DENND2B: variants seen among roughly 807,000 people sequenced by gnomAD.
The protein encoded by DENND2B is DENN domain-containing protein 2B.
A neutral mutation model predicts 116.0 loss-of-function variants in DENND2B; 32 were observed. The ratio of observed to expected loss-of-function variants is 0.28; its 90% CI spans 0.21 to 0.37. DENND2B has a LOEUF of 0.37. DENND2B is among the 10% of genes least tolerant of loss of function. DENND2B has a pLI of 1.00. For synonymous variants in DENND2B, 588 were observed against 583.9 expected, an observed-to-expected ratio of 1.01 and a Z score of -0.10; for missense variants, 1,276 against 1,477.7, an observed-to-expected ratio of 0.86 and a Z score of 2.24.
intron 2 of DENND2B, among the ~76,000 whole-genome samples, chr11:8,870,200 G>T (rs1288168974): frequency 2.6e-5 from 4 of 152,164 alleles, no homozygotes; most frequent in Non-Finnish European, 5.9e-5. Flanking sequence ...CTCACTTAAT[G>T]AAGAAGTTAT....
chr11:8,856,669 G>C (rs563118595), intron 3 of DENND2B, among the ~76,000 whole-genome samples: 2 of 152,076 alleles, frequency 1.3e-5, no homozygotes, highest in African/African-American at 4.8e-5. Context: ...CTGATGGAAA[G>C]GCAGGCCCAG....
intron 1 of DENND2B, among the ~76,000 whole-genome samples, chr11:8,796,722 T>G (rs2059845303): frequency 6.6e-6 from 1 of 152,156 alleles, no homozygotes; most frequent in Non-Finnish European, 1.5e-5. Flanking sequence ...ATTACTTACT[T>G]TTTCCAAAAG....
chr11:8,757,246 C>A, intron 1 of DENND2B: 1 of 362,866 alleles, frequency 2.8e-6, no homozygotes. Context: ...CCATGATTGC[C>A]CTGTCTGGCA....
chr11:8,833,122 T>A (rs766969640), intron 4 of DENND2B, among the ~76,000 whole-genome samples: 2 of 152,246 alleles, frequency 1.3e-5, no homozygotes, highest in Non-Finnish European at 2.9e-5. Context: ...GGTGAGCAGA[T>A]GGGCTCTAAT....
intron 4 of DENND2B, among the ~76,000 whole-genome samples, chr11:8,818,985 T>G (rs758217720): frequency 6.6e-6 from 1 of 152,340 alleles, no homozygotes; most frequent in East Asian, 1.9e-4. Context: ...TATTACTTAA[T>G]GTATAGAAGA....
chr11:8,708,162 G>A lies in DENND2B; in HGVS notation c.2353-308C>T. 1.1e-5 allele frequency: 14 copies of A among 1,308,584 alleles called. No homozygotes were observed. In the South Asian group the frequency reaches 1.5e-4, roughly 14 times the overall value. 81.1% of individuals were successfully genotyped at this position (1,308,584 alleles called of 1,614,324 possible). A position where few individuals can be genotyped will look rare whatever the true frequency, so the allele number is the denominator to read the frequency against. ...TGGCAAAGGGCAAAGCAGTTTGGCA[G>A]AGGCTACAGGGTGTCTGTGGATTCA... is the stretch of plus-strand genomic sequence containing the variant. On this transcript the variant is annotated intron_variant, in intron 11 of 19. Coordinates refer to ENST00000313726, the MANE Select transcript of DENND2B (RefSeq NM_213618.2).
At chr11:8,886,230 C>T (rs565049039) in intron 1 of DENND2B, among the ~76,000 whole-genome samples, 3 of 152,130 alleles carry the variant, frequency 2.0e-5, no homozygotes, top group African/African-American at 7.2e-5. Context: ...CCACCACGCC[C>T]AGCCTAGAAA....
upstream of DENND2B, among the ~76,000 whole-genome samples, chr11:8,814,623 A>T (rs2061506914): frequency 6.6e-6 from 1 of 151,978 alleles, no homozygotes; most frequent in South Asian, 2.1e-4. Context: ...GGCTCCCCAC[A>T]CTTATCCTTC....
intron 1 of DENND2B, among the ~76,000 whole-genome samples, chr11:8,781,852 A>G (rs1043095166): frequency 6.6e-5 from 10 of 152,232 alleles, no homozygotes; most frequent in African/African-American, 2.2e-4. Flanking sequence ...TCTTTGATAA[A>G]TTGGGAAAAT....
chr11:8,730,196 G>A lies in DENND2B; in HGVS notation c.1094C>T (p.Pro365Leu), dbSNP rs2047870741. ...EGSGSTKPGT[P>L]GNSPSSQRLP... The stretch of plus-strand genomic sequence containing the variant: ...CCGCTGGGAGCTAGGGCTATTTCCA[G>A]GGGTCCCGGGCTTAGTGGAACCACT... Residue 365 changes from proline (P) to leucine (L), a missense_variant, in exon 3 of 20, where the codon CCT becomes CTT. Pro to Leu is a moderately conservative substitution (Grantham distance 98, BLOSUM62 -3). Coordinates refer to ENST00000313726, the MANE Select transcript of DENND2B (RefSeq NM_213618.2). The surrounding 1 kb of genome is among the most constrained non-coding windows in gnomAD (Gnocchi z 4.1). The A allele has an allele frequency of 6.2e-7, 1 of 1,613,744 alleles. No homozygotes were observed. Among genetic ancestry groups the A allele is most frequent in the African/African-American group, 1.3e-5 (1 of 75,070 alleles).
At chr11:8,882,066 A>G (rs2063909322) in intron 1 of DENND2B, among the ~76,000 whole-genome samples, 1 of 151,978 alleles carries the variant, frequency 6.6e-6, no homozygotes, top group African/African-American at 2.4e-5. Context: ...CATGGTTTCA[A>G]TTCAATTTAG....
chr11:8,816,695 A>G (rs890955756), intron 4 of DENND2B, among the ~76,000 whole-genome samples: 1 of 152,178 alleles, frequency 6.6e-6, no homozygotes, highest in African/African-American at 2.4e-5. Flanking sequence ...TGTGGTCAAG[A>G]GGGAAGCTTT....
At chr11:8,907,683 T>C (rs1204281924) in intron 1 of DENND2B, among the ~76,000 whole-genome samples, 1 of 152,162 alleles carries the variant, frequency 6.6e-6, no homozygotes, top group Non-Finnish European at 1.5e-5. Context: ...TAGGTGTTTT[T>C]TTAATAGAAA....
chr11:8,854,600 G>A (rs2063130967), intron 3 of DENND2B, among the ~76,000 whole-genome samples: 1 of 152,236 alleles, frequency 6.6e-6, no homozygotes, highest in Non-Finnish European at 1.5e-5. Context: ...CAGCCACTGG[G>A]TATGATGGCT....
intron 1 of DENND2B, among the ~76,000 whole-genome samples, chr11:8,904,460 A>C (rs1180505188): frequency 3.3e-5 from 5 of 152,218 alleles, no homozygotes; most frequent in Non-Finnish European, 1.5e-5. Context: ...CTACAAAAAA[A>C]CAAATATCAT....
rs1290792377 is a variant in DENND2B, at chr11:8,894,144, G to A, written c.-255-13035C>T. Among the ~76,000 whole-genome samples the A allele has an allele frequency of 2.0e-5, 3 of 152,240 alleles. No individual in the cohort carries two copies. The South Asian group carries it at 6.2e-4, about 32-fold the overall frequency. ...ACGAACCTGACAAAAACAAGAAATGGGGAAAGGATTCCCTATTTAATAAAT... is the reference window on the plus strand; with the variant it reads ...ACGAACCTGACAAAAACAAGAAATGAGGAAAGGATTCCCTATTTAATAAAT... On this transcript the variant is annotated intron_variant, in intron 1 of 22. Transcript: ENST00000534127.
chr11:8,867,867 G>A (rs1176507376), intron 2 of DENND2B, among the ~76,000 whole-genome samples: 1 of 152,098 alleles, frequency 6.6e-6, no homozygotes, highest in African/African-American at 2.4e-5. Context: ...ACAGGTGTGA[G>A]CCACAGCACC....
intron 1 of DENND2B, among the ~76,000 whole-genome samples, chr11:8,901,229 C>CTTTTCTTTTTTTTTTT (rs781408078): frequency 7.1e-5 from 6 of 83,924 alleles, no homozygotes; most frequent in African/African-American, 1.9e-4. Context: ...CTTTTCTTTT[C>CTTTTCTTTTTTTTTTT]TTTTTTTTTT....
intron 3 of DENND2B, among the ~76,000 whole-genome samples, chr11:8,852,724 A>G (rs2063053831): frequency 6.6e-6 from 1 of 152,260 alleles, no homozygotes; most frequent in African/African-American, 2.4e-5. Context: ...AGCTTTTAGC[A>G]AAGAAGTATC....
Sources: gnomAD v4.1 joint callset for allele counts (sites outside exome capture counted in the v4.1 genomes callset) on GRCh38, gnomAD v4.1.1 for gene constraint, Gnocchi (gnomAD v3.1) non-coding constraint, MANE v1.5 for transcripts, NCBI Gene and HGNC (gene_info 2026-07-23, HGNC 2026-07-21) for gene names.